Variants in ABLIM2 observed in about 807,000 individuals in gnomAD.
ABLIM2 encodes the protein actin binding LIM protein family member 2.
In ABLIM2, 53 loss-of-function variants were observed where a neutral mutation model predicts 97.7. The ratio of observed to expected loss-of-function variants is 0.54; its 90% CI spans 0.44 to 0.68. The LOEUF (loss-of-function observed/expected upper bound fraction) is 0.68. Ranked by LOEUF, ABLIM2 falls within the 30% of genes least tolerant of loss-of-function variation. The pLI is 0.00. For missense variants in ABLIM2, 835 were observed against 867.2 expected (o/e 0.96, Z 0.47); for synonymous variants, 361 against 345.8 (o/e 1.04, Z -0.49).
rs1166225179 is a variant in ABLIM2, at chr4:8,132,656, G to A, written c.11-26019C>T. 1.3e-5 allele frequency among the ~76,000 whole-genome samples: 2 copies of A among 152,142 alleles called. No homozygotes were observed. Among genetic ancestry groups the A allele is most frequent in the Non-Finnish European group, 2.9e-5 (2 of 68,042 alleles). ...AGCAATGCTGCACATCATGAAGCAC[G>A]GCCCCTACCCCGCTGTCTTCCCTCG... On this transcript the variant is annotated intron_variant, in intron 1 of 20. Transcript: ENST00000447017. This position sits in a 1 kb window ranked among gnomAD's most constrained non-coding sequence, Gnocchi z 8.0.
intron 8 of ABLIM2, among the ~76,000 whole-genome samples, chr4:8,053,128 C>G (rs1394181662): frequency 6.6e-6 from 1 of 152,214 alleles, no homozygotes; most frequent in Non-Finnish European, 1.5e-5. Flanking sequence ...CTGCTTGGGG[C>G]CAACCTGCCT....
At chr4:8,007,349 A>G (rs908870129) in intron 16 of ABLIM2, 12 of 985,176 alleles carry the variant, frequency 1.2e-5, no homozygotes, top group Non-Finnish European at 1.4e-5. Flanking sequence ...TCACACCCCC[A>G]TCCATCCTCT....
rs951129935 is a variant in ABLIM2 at position 8,069,918 on chromosome 4, T to C, written c.675+7710A>G. On this transcript the variant is annotated intron_variant, in intron 6 of 20. Transcript: ENST00000447017. The surrounding 1 kb of genome is among the most constrained non-coding windows in gnomAD (Gnocchi z 4.2). ...TATGTTGGTTGTGTGTGTCATGTGT[T>C]TCTTTCTGTGTGTTTATTTCCATGT... is the stretch of plus-strand genomic sequence containing the variant. Among the ~76,000 whole-genome samples, 2 of 152,066 alleles carry C rather than the reference T, an allele frequency of 1.3e-5. No homozygotes were observed. Among genetic ancestry groups the C allele is most frequent in the East Asian group, 3.8e-4 (2 of 5,196 alleles).
Position 7,989,072 on chromosome 4 carries a change from C to CTTTTT in ABLIM2, c.1680+3789_1680+3793dup, listed in dbSNP as rs71175445. Among the ~76,000 whole-genome samples, 389 of 81,330 alleles carry CTTTTT rather than the reference C, an allele frequency of 4.8e-3. 3 individuals carry two copies. Among genetic ancestry groups the CTTTTT allele is most frequent in the Non-Finnish European group, 6.8e-3 (303 of 44,702 alleles). The allele number at this position is 81,330 out of a possible 152,430, so 53.4% of individuals were successfully genotyped here. A position where few individuals can be genotyped will look rare whatever the true frequency, so the allele number is the denominator to read the frequency against. On this transcript the variant is annotated intron_variant, in intron 17 of 20. Coordinates refer to ENST00000447017, the MANE Select transcript of ABLIM2 (RefSeq NM_001130083.2). The stretch of plus-strand genomic sequence containing the variant: ...TTTTTTGTTCACTAGACACATTAGT[C>CTTTTT]TTTTTTTTTTTTTTTTTTTTTTTGA...
chr4:8,061,006 C>T lies in ABLIM2; in HGVS notation c.724G>A (p.Gly242Ser), dbSNP rs571204450. ...TCTTCGCCTTCTGCAAACATCTGGC[C>T]GCACCTGACACATAGCGCGCAGGAA... is the stretch of plus-strand genomic sequence containing the variant. ...HPSCALCVRCGQMFAEGEEMY... is the reference protein window; with the variant it reads ...HPSCALCVRCSQMFAEGEEMY... The change falls in exon 7 of 21, where the codon GGC (glycine) becomes AGC (serine). Residue 242 changes from glycine to serine, a missense_variant. By Grantham distance (56) the Gly-to-Ser change is moderately conservative (BLOSUM62 0). Coordinates refer to ENST00000447017, the MANE Select transcript of ABLIM2 (RefSeq NM_001130083.2). This position sits in a 1 kb window ranked among gnomAD's most constrained non-coding sequence, Gnocchi z 4.5. The T allele has an allele frequency of 2.0e-5, 32 of 1,599,874 alleles. 1 individual carries two copies. In the East Asian group the frequency reaches 4.1e-4, roughly 20 times the overall value.
chr4:7,973,645 A>T (rs1466506995), intron 20 of ABLIM2, among the ~76,000 whole-genome samples: 3 of 152,194 alleles, frequency 2.0e-5, no homozygotes, highest in Non-Finnish European at 4.4e-5. Context: ...TTTATGACTA[A>T]GTGTGCAATT....
chr4:8,140,238 T>C lies in ABLIM2; in HGVS notation c.10+18442A>G, dbSNP rs888407002. Reference sequence around the variant, plus strand: ...GTAACAAACCTGCATGTCCTGCACATGTATCCCAGAACTTAAAGTAAAATA... The same window carrying C: ...GTAACAAACCTGCATGTCCTGCACACGTATCCCAGAACTTAAAGTAAAATA... On this transcript the variant is annotated intron_variant, in intron 1 of 20. Coordinates refer to ENST00000447017, the MANE Select transcript of ABLIM2 (RefSeq NM_001130083.2). This position sits in a 1 kb window ranked among gnomAD's most constrained non-coding sequence, Gnocchi z 5.9. Among the ~76,000 whole-genome samples, 1 of 152,198 alleles carries C rather than the reference T, an allele frequency of 6.6e-6. No individual in the cohort carries two copies. Among genetic ancestry groups the C allele is most frequent in the East Asian group, 1.9e-4 (1 of 5,184 alleles).
rs929493854 is a variant in ABLIM2, at chr4:8,043,834, A to G, written c.900+1330T>C. Among the ~76,000 whole-genome samples the G allele has an allele frequency of 1.3e-5, 2 of 152,238 alleles. No homozygotes were observed. Among genetic ancestry groups the G allele is most frequent in the East Asian group, 1.9e-4 (1 of 5,198 alleles). ...CTCACTGCCACCCAGGCAGCGCCTCAGTGAGCCCTGGACCGAAGGTGCCTG... is the reference window on the plus strand; with the variant it reads ...CTCACTGCCACCCAGGCAGCGCCTCGGTGAGCCCTGGACCGAAGGTGCCTG... On this transcript the variant is annotated intron_variant, in intron 9 of 20. Transcript: ENST00000447017. The surrounding 1 kb of genome is among the most constrained non-coding windows in gnomAD (Gnocchi z 4.8).
chr4:8,101,947 T>C (rs1203176170), intron 2 of ABLIM2, among the ~76,000 whole-genome samples: 2 of 152,120 alleles, frequency 1.3e-5, no homozygotes. Flanking sequence ...ATGAGACACC[T>C]TCACACCCCT....
intron 3 of ABLIM2, among the ~76,000 whole-genome samples, chr4:8,091,492 TTA>T (rs1349253956): frequency 1.6e-5 from 1 of 62,636 alleles, no homozygotes; most frequent in African/African-American, 6.1e-5. Context: ...ATTTTATATT[TTA>T]TATATTTTGT....
At chr4:8,154,313 T>G (rs1454681495) in intron 1 of ABLIM2, among the ~76,000 whole-genome samples, 1 of 141,418 alleles carries the variant, frequency 7.1e-6, no homozygotes, top group East Asian at 2.1e-4. Flanking sequence ...GACAGAGTCT[T>G]GCTCTGTCAC....
At chr4:7,975,996 C>T (rs1732755971) in intron 20 of ABLIM2, among the ~76,000 whole-genome samples, 1 of 152,208 alleles carries the variant, frequency 6.6e-6, no homozygotes, top group Admixed American at 6.5e-5. Context: ...CCCATGCCCT[C>T]ACCTTTCCCA....
Position 7,998,822 on chromosome 4 carries a change from G to A in ABLIM2, c.1619-5895C>T, listed in dbSNP as rs1000522536. 3.3e-5 allele frequency among the ~76,000 whole-genome samples: 5 copies of A among 152,164 alleles called. No homozygotes were observed. Among genetic ancestry groups the A allele is most frequent in the Non-Finnish European group, 7.4e-5 (5 of 68,024 alleles). On this transcript the variant is annotated intron_variant, in intron 16 of 20. Coordinates refer to ENST00000447017, the MANE Select transcript of ABLIM2 (RefSeq NM_001130083.2). The surrounding 1 kb of genome is among the most constrained non-coding windows in gnomAD (Gnocchi z 6.4). ...TCCCTTGAGGTCCCGAGGCTGCCTCGCCAGGCCACTTTGCTGTTCCCACCT... is the reference window on the plus strand; with the variant it reads ...TCCCTTGAGGTCCCGAGGCTGCCTCACCAGGCCACTTTGCTGTTCCCACCT...
At chr4:8,045,718 C>T (rs1681603014) in intron 8 of ABLIM2, among the ~76,000 whole-genome samples, 3 of 152,196 alleles carry the variant, frequency 2.0e-5, no homozygotes, top group African/African-American at 7.2e-5. Context: ...AATAAACACA[C>T]AGGCTTGGAT....
rs911925556 is a variant in ABLIM2, at chr4:7,992,132, G to A, written c.1680+734C>T. On this transcript the variant is annotated intron_variant, in intron 17 of 20. Transcript: ENST00000447017. The surrounding 1 kb of genome is among the most constrained non-coding windows in gnomAD (Gnocchi z 5.7). ...GACCAGCAAGCCTGCCCCACCCTAAGGATCCTCACTGGGGACCCCTGTGAC... is the reference window on the plus strand; with the variant it reads ...GACCAGCAAGCCTGCCCCACCCTAAAGATCCTCACTGGGGACCCCTGTGAC... Among the ~76,000 whole-genome samples, 2 of 152,084 alleles carry A rather than the reference G, an allele frequency of 1.3e-5. No individual in the cohort carries two copies. The highest frequency in any genetic ancestry group is 6.6e-5 in the Admixed American group (1 of 15,258).
intron 1 of ABLIM2, among the ~76,000 whole-genome samples, chr4:8,145,186 A>AT (rs34290928): frequency 0.19 from 27,638 of 144,560 alleles, 2,723 homozygotes; most frequent in Middle Eastern, 0.25. Context: ...GCAGGTATTG[A>AT]TTTTTTTTTT....
chr4:8,138,807 G>T (rs1850539781), intron 1 of ABLIM2, among the ~76,000 whole-genome samples: 1 of 152,196 alleles, frequency 6.6e-6, no homozygotes, highest in South Asian at 2.1e-4. Context: ...TATGGGCAAA[G>T]ATTTCATGAC....
Position 8,027,834 on chromosome 4 carries a change from T to C in ABLIM2, c.1192A>G (p.Ser398Gly). The C allele has an allele frequency of 6.3e-7, 1 of 1,598,866 alleles. No individual in the cohort carries two copies. Among genetic ancestry groups the C allele is most frequent in the South Asian group, 1.1e-5 (1 of 88,740 alleles). The change falls in exon 12 of 21, where the codon AGT becomes GGT. Residue 398 changes from serine to glycine, a missense_variant. Ser to Gly is a moderately conservative substitution (Grantham distance 56, BLOSUM62 0). Transcript: ENST00000447017. ...TGTTGGGACAGGGAGAGGCAGCTAC[T>C]GGTACCCACACTCACAGTACCAGCT... Reference protein sequence around the residue: ...RPAGTVSVGTSSCLSLSQHPS... With the variant: ...RPAGTVSVGTGSCLSLSQHPS...
At position 8,106,480 on chromosome 4, in the gene ABLIM2, C is replaced by G; in HGVS notation, c.154+14G>C. 6.3e-7 allele frequency: 1 copy of G among 1,586,248 alleles called. No individual in the cohort carries two copies. Among genetic ancestry groups the G allele is most frequent in the South Asian group, 1.2e-5 (1 of 86,676 alleles). ...TTTCAGGGGCCACACTGCAGGGGAC[C>G]GGGGGACACTCACCTTTACAGACGA... is the stretch of plus-strand genomic sequence containing the variant. On this transcript the variant is annotated intron_variant, in intron 2 of 20. Transcript: ENST00000447017.
Sources: gnomAD v4.1 joint callset for allele counts (sites outside exome capture counted in the v4.1 genomes callset) on GRCh38, gnomAD v4.1.1 for gene constraint, Gnocchi (gnomAD v3.1) non-coding constraint, MANE v1.5 for transcripts, NCBI Gene and HGNC (gene_info 2026-07-23, HGNC 2026-07-21) for gene names.